CKAP2L: variants seen among roughly 807,000 people sequenced by gnomAD.
CKAP2L encodes cytoskeleton associated protein 2L.
In CKAP2L, 42 loss-of-function variants were observed where a neutral mutation model predicts 65.7. The ratio of observed to expected loss-of-function variants is 0.64; its 90% CI spans 0.50 to 0.83. The LOEUF is 0.83. Ranked by LOEUF, CKAP2L falls within the 40% of genes least tolerant of loss-of-function variation. The pLI, the probability that CKAP2L is intolerant of heterozygous loss-of-function variation, is 0.00. For synonymous variants in CKAP2L, 325 were observed against 313.5 expected (o/e 1.04, Z -0.39); for missense variants, 908 against 871.0 (o/e 1.04, Z -0.53).
At chr2:112,752,538 A>G in intron 4 of CKAP2L, 64 bp from the exon 5 acceptor site, 1 of 955,044 alleles carries the variant, frequency 1.0e-6, no homozygotes, top group Non-Finnish European at 1.6e-6. Flanking sequence ...CTGCTAAAGT[A>G]TATGATATGT....
intron 6 of CKAP2L, among the ~76,000 whole-genome samples, chr2:112,744,523 A>G (rs957413084): frequency 2.0e-5 from 3 of 152,200 alleles, no homozygotes; most frequent in African/African-American, 7.2e-5. Flanking sequence ...TCATCCTAAC[A>G]GAAAACTGGG....
In CKAP2L at chr2:112,738,553, T is replaced by C. The variant is rs1399465394; in HGVS notation, c.*270A>G. ...TTGGGATTAAAGTAGATCAATAAAGTATAAATATTTATCATAGTTGTAGGG... is the reference window on the plus strand; with the variant it reads ...TTGGGATTAAAGTAGATCAATAAAGCATAAATATTTATCATAGTTGTAGGG... On this transcript the variant is annotated 3_prime_UTR_variant, in exon 9 of 9. Transcript: ENST00000302450. 3 of 421,910 alleles carry C rather than the reference T, an allele frequency of 7.1e-6. No homozygotes were observed. Among genetic ancestry groups the C allele is most frequent in the Non-Finnish European group, 4.3e-6 (1 of 235,004 alleles). 26.1% of individuals were successfully genotyped at this position (421,910 alleles called of 1,614,324 possible).
chr2:112,763,555 G>A (rs114100035), intron 1 of CKAP2L, among the ~76,000 whole-genome samples: 1,938 of 152,128 alleles, frequency 0.013, 11 homozygotes, highest in Middle Eastern at 0.024. Context: ...TACAGTATAA[G>A]GTAAAATCTA....
rs201606987 is a variant in CKAP2L, at chr2:112,746,595, C to T, written c.1603-20G>A. The T allele has an allele frequency of 8.0e-5, 126 of 1,565,436 alleles. No individual in the cohort carries two copies. In the African/African-American group the frequency reaches 1.2e-3, roughly 14 times the overall value. ...TACACCCTGAAATAAACCAAAATAT[C>T]CAGAGGTAATTATTACCATTTCACT... is the stretch of plus-strand genomic sequence containing the variant. On this transcript the variant is annotated intron_variant, in intron 5 of 8. Coordinates refer to ENST00000302450, the MANE Select transcript of CKAP2L (RefSeq NM_152515.5).
intron 3 of CKAP2L, among the ~76,000 whole-genome samples, chr2:112,759,171 T>A (rs950359332): frequency 1.3e-5 from 2 of 152,248 alleles, no homozygotes; most frequent in African/African-American, 4.8e-5. Flanking sequence ...CTAGGAAGGA[T>A]GCCATATATC....
At chr2:112,761,052 A>G (rs1482104693) in intron 2 of CKAP2L, among the ~76,000 whole-genome samples, 3 of 152,038 alleles carry the variant, frequency 2.0e-5, no homozygotes, top group South Asian at 2.1e-4. Flanking sequence ...TTAATGAGAT[A>G]TATGTGTTTC....
chr2:112,739,421 C>CA (rs1160233663), intron 8 of CKAP2L, among the ~76,000 whole-genome samples: 3 of 151,276 alleles, frequency 2.0e-5, no homozygotes, highest in East Asian at 1.9e-4. Flanking sequence ...ACCCCAGTCT[C>CA]AAAAAAAAGG....
chr2:112,742,567 C>G, intron 7 of CKAP2L, 139 bp downstream of exon 7: 1 of 711,586 alleles, frequency 1.4e-6, no homozygotes, highest in Non-Finnish European at 2.6e-6. Flanking sequence ...ATGACAATGG[C>G]TGAAAGGGCC....
In CKAP2L at chr2:112,757,097, T is replaced by G. The variant is rs771054094; in HGVS notation, c.274A>C (p.Lys92Gln). The change falls in exon 4 of 9, where the codon AAG becomes CAG. Residue 92 changes from lysine to glutamine, a missense_variant. Coordinates refer to ENST00000302450, the MANE Select transcript of CKAP2L (RefSeq NM_152515.5). ...CCCAGAAGTTTTGGTGGCTCCAACT[T>G]CGGCTTCTGGGACCCTGCAGTATTA... ...PPNTAGSQKP[K>Q]LEPPKLLGKR... The G allele has an allele frequency of 3.7e-6, 6 of 1,614,204 alleles. No homozygotes were observed. The highest frequency in any genetic ancestry group is 5.1e-6 in the Non-Finnish European group (6 of 1,180,036).
chr2:112,749,336 C>T (rs983979203), intron 5 of CKAP2L, among the ~76,000 whole-genome samples: 1 of 152,124 alleles, frequency 6.6e-6, no homozygotes, highest in African/African-American at 2.4e-5. Context: ...AACAACATAA[C>T]TTTAAAAAAT....
At chr2:112,762,455 T>G in intron 2 of CKAP2L, 48 bp downstream of exon 2, 1 of 1,438,648 alleles carries the variant, frequency 7.0e-7, no homozygotes, top group Non-Finnish European at 9.8e-7. Flanking sequence ...AAATTGCTAG[T>G]ACAAAGAAGG....
intron 8 of CKAP2L, 125 bp from the exon 9 acceptor site, chr2:112,739,173 T>A (rs1384785154): frequency 2.4e-5 from 18 of 739,202 alleles, no homozygotes; most frequent in Non-Finnish European, 3.9e-5. Flanking sequence ...ACAAGAGATA[T>A]GTCTAGAGCA....
chr2:112,750,578 T>G (rs1216800800), intron 5 of CKAP2L, among the ~76,000 whole-genome samples: 1 of 152,192 alleles, frequency 6.6e-6, no homozygotes, highest in Non-Finnish European at 1.5e-5. Flanking sequence ...TTCCCTGGAG[T>G]GTCTTCCTAA....
chr2:112,756,932 A>G lies in CKAP2L; in HGVS notation c.439T>C (p.Leu147=). Reference sequence around the variant, plus strand: ...GTTAACTGCTGCTTTGTAGTTTTCAATTGCTCTATATTAAGTGACCCCACA... The same window carrying G: ...GTTAACTGCTGCTTTGTAGTTTTCAGTTGCTCTATATTAAGTGACCCCACA... ...KPVGSLNIEQ[L]KTTKQQLTDQ... The change falls in exon 4 of 9, where the codon TTG becomes CTG. Residue 147 remains leucine (L), a synonymous_variant. Coordinates refer to ENST00000302450, the MANE Select transcript of CKAP2L (RefSeq NM_152515.5). 1.6e-5 allele frequency: 26 copies of G among 1,614,170 alleles called. No homozygotes were observed. Among genetic ancestry groups the G allele is most frequent in the Non-Finnish European group, 2.2e-5 (26 of 1,180,022 alleles).
intron 3 of CKAP2L, among the ~76,000 whole-genome samples, chr2:112,757,999 G>A (rs1680597138): frequency 6.6e-6 from 1 of 152,120 alleles, no homozygotes; most frequent in Non-Finnish European, 1.5e-5. Flanking sequence ...AAGAACCTCT[G>A]TCTCATCCCT....
rs1412856712 is a variant in CKAP2L, at chr2:112,764,604, T to G, written c.-6A>C. The G allele has an allele frequency of 6.2e-7, 1 of 1,613,960 alleles. No homozygotes were observed. The highest frequency in any genetic ancestry group is 1.7e-5 in the Admixed American group (1 of 60,008). Reference sequence around the variant, plus strand: ...GTAGGCCCGGGCCCCACCATGACTCTTCAGTGACAGTTTTTCTTCAAACGC... The same window carrying G: ...GTAGGCCCGGGCCCCACCATGACTCGTCAGTGACAGTTTTTCTTCAAACGC... On this transcript the variant is annotated 5_prime_UTR_variant, in exon 1 of 9. Coordinates refer to ENST00000302450, the MANE Select transcript of CKAP2L (RefSeq NM_152515.5).
intron 3 of CKAP2L, among the ~76,000 whole-genome samples, chr2:112,757,998 T>G (rs921302447): frequency 6.6e-6 from 1 of 152,314 alleles, no homozygotes; most frequent in South Asian, 2.1e-4. Flanking sequence ...CAAGAACCTC[T>G]GTCTCATCCC....
chr2:112,738,798 C>T lies in CKAP2L; in HGVS notation c.*25G>A, dbSNP rs764407057. 4.0e-6 allele frequency: 6 copies of T among 1,506,274 alleles called. 1 individual carries two copies. The South Asian group carries it at 6.8e-5, about 17-fold the overall frequency. The allele number at this position is 1,506,274 out of a possible 1,614,324, so 93.3% of individuals were successfully genotyped here. A position where few individuals can be genotyped will look rare whatever the true frequency, so the allele number is the denominator to read the frequency against. ...TTGTCTTATGTTGGTTCTGAAACAC[C>T]TTTTTTAAAAAAAGCATCAAGAAAT... On this transcript the variant is annotated 3_prime_UTR_variant, in exon 9 of 9. Coordinates refer to ENST00000302450, the MANE Select transcript of CKAP2L (RefSeq NM_152515.5).
At chr2:112,749,094 T>A (rs942986830) in intron 5 of CKAP2L, among the ~76,000 whole-genome samples, 1 of 152,190 alleles carries the variant, frequency 6.6e-6, no homozygotes, top group African/African-American at 2.4e-5. Context: ...AATAAATGTG[T>A]ACGAACTAAA....
Sources: gnomAD v4.1 joint callset for allele counts (sites outside exome capture counted in the v4.1 genomes callset) on GRCh38, gnomAD v4.1.1 for gene constraint, MANE v1.5 for transcripts, NCBI Gene and HGNC (gene_info 2026-07-23, HGNC 2026-07-21) for gene names.